DMBX1: variants seen among roughly 807,000 people sequenced by gnomAD.
DMBX1 encodes the protein diencephalon/mesencephalon homeobox protein 1.
Under a neutral mutation model 30.4 loss-of-function variants are expected in DMBX1, and 7 were observed. The ratio of observed to expected loss-of-function variants is 0.23; its 90% CI spans 0.13 to 0.43. The LOEUF is 0.43. Among genes scored for constraint, DMBX1 ranks in the 20% least tolerant of loss-of-function variants. DMBX1 has a pLI of 1.00. For synonymous variants in DMBX1, 222 were observed against 214.2 expected (o/e 1.04, Z -0.32); for missense variants, 460 against 508.5 (o/e 0.90, Z 0.92).
In DMBX1 at chr1:46,510,851, G is replaced by C. The variant is rs145881278; in HGVS notation, c.334-84G>C. Reference sequence around the variant, plus strand: ...TAGAGGGGTGGGGGGATGTTATCACGTACATCCTCTCCCAGAGCACCCTGC... The same window carrying C: ...TAGAGGGGTGGGGGGATGTTATCACCTACATCCTCTCCCAGAGCACCCTGC... On this transcript the variant is annotated intron_variant, in intron 4 of 5. Transcript: ENST00000360032. This position sits in a 1 kb window ranked among gnomAD's most constrained non-coding sequence, Gnocchi z 4.1. The C allele has an allele frequency of 7.1e-6, 10 of 1,401,970 alleles. No homozygotes were observed. Among genetic ancestry groups the C allele is most frequent in the East Asian group, 5.0e-5 (2 of 40,238 alleles). The allele number at this position is 1,401,970 out of a possible 1,614,324, so 86.8% of individuals were successfully genotyped here.
chr1:46,490,937 A>G (rs2148479130), intron 2 of DMBX1, among the ~76,000 whole-genome samples, 154 bp downstream of exon 2: 1 of 152,278 alleles, frequency 6.6e-6, no homozygotes, highest in East Asian at 1.9e-4. Context: ...GGAGCAGTCA[A>G]AGGGTTGCGA....
At chr1:46,502,092 G>A (rs1278229627) in intron 2 of DMBX1, among the ~76,000 whole-genome samples, 1 of 152,202 alleles carries the variant, frequency 6.6e-6, no homozygotes, top group Non-Finnish European at 1.5e-5. Flanking sequence ...GCTTCTGCAA[G>A]TGAATGTTGT....
intron 2 of DMBX1, among the ~76,000 whole-genome samples, chr1:46,496,704 C>A (rs867739802): frequency 6.6e-6 from 1 of 152,166 alleles, no homozygotes; most frequent in Admixed American, 6.5e-5. Context: ...CTCCTTCACA[C>A]GTGGCTGGCC....
chr1:46,503,931 G>A (rs927065673), intron 2 of DMBX1, among the ~76,000 whole-genome samples: 1 of 152,346 alleles, frequency 6.6e-6, no homozygotes, highest in East Asian at 1.9e-4. Flanking sequence ...TGGGACCTTG[G>A]CAGCCTCTTG....
rs940431835 is a variant in DMBX1 at position 46,498,068 on chromosome 1, T to TG, written c.-13+7292dup. Among the ~76,000 whole-genome samples, 31 of 152,200 alleles carry TG rather than the reference T, an allele frequency of 2.0e-4. 1 individual carries two copies. The highest frequency in any genetic ancestry group is 6.8e-3 in the Middle Eastern group (2 of 294). On this transcript the variant is annotated intron_variant, in intron 2 of 5. Transcript: ENST00000360032. ...CTGCAGGCCTTGTAGGGTTCCAGCC[T>TG]GGGGGGGCCTCCCTATAGGGGCCAC...
chr1:46,512,343 G>T lies in DMBX1; in HGVS notation c.983G>T (p.Gly328Val). 1 of 1,613,976 alleles carries T rather than the reference G, an allele frequency of 6.2e-7. No individual in the cohort carries two copies. The highest frequency in any genetic ancestry group is 8.5e-7 in the Non-Finnish European group (1 of 1,179,996). ...SLSAAAAAHQ[G>V]VWGSPLLPAP... The stretch of plus-strand genomic sequence containing the variant: ...TCAGCAGCCGCTGCTGCCCACCAGG[G>T]TGTGTGGGGGTCTCCTCTGCTGCCT... The change falls in exon 6 of 6, where the codon GGT becomes GTT. Residue 328 changes from glycine to valine, a missense_variant. Physicochemically the swap from Gly to Val is moderately radical, Grantham distance 109. Coordinates refer to ENST00000360032, the MANE Select transcript of DMBX1 (RefSeq NM_172225.2). This position sits in a 1 kb window ranked among gnomAD's most constrained non-coding sequence, Gnocchi z 4.8.
In DMBX1 at chr1:46,514,512, C is replaced by T. The variant is rs1557793142; in HGVS notation, c.*2018C>T. Among the ~76,000 whole-genome samples the T allele has an allele frequency of 6.6e-6, 1 of 152,212 alleles. No homozygotes were observed. Among genetic ancestry groups the T allele is most frequent in the Non-Finnish European group, 1.5e-5 (1 of 68,036 alleles). On this transcript the variant is annotated 3_prime_UTR_variant, in exon 6 of 6. Coordinates refer to ENST00000360032, the MANE Select transcript of DMBX1 (RefSeq NM_172225.2). Reference sequence around the variant, plus strand: ...TCCCCATAGGCATAATGGGTCCCTTCTAGTTCAGGCAATCTGGATTTGATC... The same window carrying T: ...TCCCCATAGGCATAATGGGTCCCTTTTAGTTCAGGCAATCTGGATTTGATC...
Position 46,512,959 on chromosome 1 carries a change from C to T in DMBX1, c.*465C>T, listed in dbSNP as rs928537106. The T allele has an allele frequency of 3.1e-5, 5 of 159,878 alleles. No individual in the cohort carries two copies. Among genetic ancestry groups the T allele is most frequent in the South Asian group, 1.9e-4 (1 of 5,286 alleles). 9.9% of individuals were successfully genotyped at this position (159,878 alleles called of 1,614,324 possible). ...CCCTGCCACCCCTCCCTGCAGCCTC[C>T]GCGGCTCACTCCAGCCATCCCTTCT... On this transcript the variant is annotated 3_prime_UTR_variant, in exon 6 of 6. Coordinates refer to ENST00000360032, the MANE Select transcript of DMBX1 (RefSeq NM_172225.2). This position sits in a 1 kb window ranked among gnomAD's most constrained non-coding sequence, Gnocchi z 4.8.
intron 5 of DMBX1, among the ~76,000 whole-genome samples, chr1:46,511,768 G>C (rs548139874): frequency 6.6e-6 from 1 of 152,250 alleles, no homozygotes; most frequent in Non-Finnish European, 1.5e-5. Context: ...GGGCAGGGTG[G>C]GGGAGGGGGA....
chr1:46,501,237 T>TCTTTCTTTCTTC, intron 2 of DMBX1, among the ~76,000 whole-genome samples: 1 of 91,838 alleles, frequency 1.1e-5, no homozygotes, highest in East Asian at 2.5e-4. Flanking sequence ...TTTCTTTCTT[T>TCTTTCTTTCTTC]CTTTCTTTCT....
At chr1:46,505,142 A>C (rs1666207365) in intron 2 of DMBX1, among the ~76,000 whole-genome samples, 14 of 137,624 alleles carry the variant, frequency 1.0e-4, no homozygotes, top group African/African-American at 3.3e-4. Context: ...ACACTTTTAC[A>C]CTGTTGGTGG....
Position 46,515,735 on chromosome 1 carries a change from A to G in DMBX1, c.*3241A>G, listed in dbSNP as rs1405680459. On this transcript the variant is annotated 3_prime_UTR_variant, in exon 6 of 6. Transcript: ENST00000360032. ...TTCCCTTCTTGTGGGCAGAGGGTAC[A>G]GGCCCACCACACCTGATGCTGGAGC... Among the ~76,000 whole-genome samples the G allele has an allele frequency of 3.9e-5, 6 of 152,224 alleles. No homozygotes were observed. Among genetic ancestry groups the G allele is most frequent in the South Asian group, 2.1e-4 (1 of 4,826 alleles).
intron 2 of DMBX1, among the ~76,000 whole-genome samples, chr1:46,498,727 C>T (rs1426164410): frequency 2.0e-5 from 3 of 152,158 alleles, no homozygotes; most frequent in Admixed American, 2.0e-4. Context: ...ATCATGTGGC[C>T]GATCCCAGTT....
chr1:46,501,241 T>C (rs368087124), intron 2 of DMBX1, among the ~76,000 whole-genome samples: 27,281 of 108,322 alleles, frequency 0.25, 3,674 homozygotes, highest in East Asian at 0.53. Context: ...TTTCTTTCTT[T>C]CTTTCTTTCT....
rs1423622537 is a variant in DMBX1 at position 46,493,054 on chromosome 1, G to A, written c.-13+2271G>A. 6.6e-6 allele frequency among the ~76,000 whole-genome samples: 1 copy of A among 152,070 alleles called. No homozygotes were observed. The highest frequency in any genetic ancestry group is 1.9e-4 in the East Asian group (1 of 5,188). ...CCTCCGGCCAGTCCCAGTTCCTCAA[G>A]GAGCCAGTCTTCACCTCCCCCACCC... On this transcript the variant is annotated intron_variant, in intron 2 of 5. Coordinates refer to ENST00000360032, the MANE Select transcript of DMBX1 (RefSeq NM_172225.2). This position sits in a 1 kb window ranked among gnomAD's most constrained non-coding sequence, Gnocchi z 4.1.
Position 46,492,057 on chromosome 1 carries a change from G to A in DMBX1, c.-13+1274G>A, listed in dbSNP as rs1225713720. Among the ~76,000 whole-genome samples, 6 of 152,324 alleles carry A rather than the reference G, an allele frequency of 3.9e-5. No homozygotes were observed. The East Asian group carries it at 5.8e-4, about 15-fold the overall frequency. On this transcript the variant is annotated intron_variant, in intron 2 of 5. Transcript: ENST00000360032. ...CCCCACCCCTGCAGTATTTGGGGGC[G>A]CCTACTCCTGCAAGGAGGCGGGAAT...
intron 2 of DMBX1, among the ~76,000 whole-genome samples, chr1:46,495,668 G>A (rs570782872): frequency 3.3e-5 from 5 of 152,292 alleles, no homozygotes; most frequent in Non-Finnish European, 5.9e-5. Flanking sequence ...CTTCTGGACC[G>A]AACCACTGCT....
rs188462013 is a variant in DMBX1, at chr1:46,516,101, C to T, written c.*3607C>T. Among the ~76,000 whole-genome samples, 429 of 152,334 alleles carry T rather than the reference C, an allele frequency of 2.8e-3. 1 individual carries two copies. The highest frequency in any genetic ancestry group is 3.1e-3 in the Non-Finnish European group (213 of 68,024). Reference sequence around the variant, plus strand: ...CCCCTGCCTGTCCCCTCGCCTGCCCCCTGTGTAGTGCTGCATGACACTCTG... The same window carrying T: ...CCCCTGCCTGTCCCCTCGCCTGCCCTCTGTGTAGTGCTGCATGACACTCTG... On this transcript the variant is annotated 3_prime_UTR_variant, in exon 6 of 6. Transcript: ENST00000360032.
rs1666431748 is a variant in DMBX1, at chr1:46,513,646, C to G, written c.*1152C>G. The stretch of plus-strand genomic sequence containing the variant: ...GAGCAGCAGCAGGGGAAGAGGTGCT[C>G]TCAGAGACAGCAGGGCTGGTGCTCT... On this transcript the variant is annotated 3_prime_UTR_variant, in exon 6 of 6. Transcript: ENST00000360032. The G allele has an allele frequency of 6.6e-6, 1 of 152,340 alleles. No individual in the cohort carries two copies. Among genetic ancestry groups the G allele is most frequent in the Non-Finnish European group, 1.5e-5 (1 of 68,146 alleles). The allele number at this position is 152,340 out of a possible 1,614,324, so 9.4% of individuals were successfully genotyped here.
Sources: gnomAD v4.1 joint callset for allele counts (sites outside exome capture counted in the v4.1 genomes callset) on GRCh38, gnomAD v4.1.1 for gene constraint, Gnocchi (gnomAD v3.1) non-coding constraint, MANE v1.5 for transcripts, NCBI Gene and HGNC (gene_info 2026-07-23, HGNC 2026-07-21) for gene names.